The following TENM4 variants were observed in gnomAD, a reference collection of about 807,000 sequenced individuals.
The protein encoded by TENM4 is teneurin transmembrane protein 4, also known as teneurin-4.
Under a neutral mutation model 243.3 loss-of-function variants are expected in TENM4, and 82 were observed. The observed-to-expected ratio is 0.34, with a 90% CI of 0.28 to 0.40. The LOEUF is 0.40. TENM4 is among the 10% of genes least tolerant of loss of function. The probability of loss-of-function intolerance (pLI) is 1.00; values close to 1 mark genes in which losing one functional copy is unlikely to be tolerated. For missense variants in TENM4, 3,138 were observed against 3,673.3 expected, an observed-to-expected ratio of 0.85 and a Z score of 3.77; for synonymous variants, 1,412 against 1,456.3, an observed-to-expected ratio of 0.97 and a Z score of 0.69.
intron 9 of TENM4, among the ~76,000 whole-genome samples, chr11:78,884,997 A>G (rs1432267308): frequency 2.0e-5 from 3 of 152,130 alleles, no homozygotes; most frequent in Non-Finnish European, 4.4e-5. Flanking sequence ...ATCAAAACTA[A>G]CTGCTCTTTA....
chr11:79,362,176 C>A (rs1857601126), intron 1 of TENM4, among the ~76,000 whole-genome samples: 2 of 152,166 alleles, frequency 1.3e-5, no homozygotes, highest in Admixed American at 1.3e-4. Flanking sequence ...ATCAGTAGAA[C>A]CTGGTCTTAC....
chr11:78,658,713 T>TA lies in TENM4; in HGVS notation c.7654_7655insT (p.Gln2552LeufsTer38). ...TGCAAACTTCTTGGTCTTTGGAGCC[T>TA]GCTGGCAGCTGGTGATTGTGGAGCC... On this transcript the variant is annotated frameshift_variant, in exon 34 of 34. Transcript: ENST00000278550. LOFTEE classifies it high-confidence loss of function. 6 of 1,614,046 alleles carry TA rather than the reference T, an allele frequency of 3.7e-6. No homozygotes were observed. Among genetic ancestry groups the TA allele is most frequent in the Non-Finnish European group, 5.1e-6 (6 of 1,179,898 alleles).
At chr11:78,893,780 T>TAC (rs368536086) in intron 7 of TENM4, among the ~76,000 whole-genome samples, 74,725 of 142,728 alleles carry the variant, frequency 0.52, 22,677 homozygotes, top group East Asian at 0.76. Context: ...GGACTTCACA[T>TAC]ACACACACAC....
chr11:79,023,053 C>G lies in TENM4; in HGVS notation c.493+41685G>C, dbSNP rs573803790. The stretch of plus-strand genomic sequence containing the variant: ...ACAGAGATTACTGCTTGAATTATTA[C>G]TCCAAATCCTGTGCCTCTAACCACT... On this transcript the variant is annotated intron_variant, in intron 6 of 33. Transcript: ENST00000278550. 2.0e-5 allele frequency among the ~76,000 whole-genome samples: 3 copies of G among 152,298 alleles called. No individual in the cohort carries two copies. In the South Asian group the frequency reaches 6.2e-4, roughly 32 times the overall value.
intron 6 of TENM4, chr11:78,962,070 C>G (rs1857339530): frequency 6.5e-6 from 1 of 152,688 alleles, no homozygotes; most frequent in Non-Finnish European, 1.5e-5. Context: ...GGCAAGTGGC[C>G]CAAGCAGGCA....
At chr11:78,789,606 G>C (rs1278203786) in intron 15 of TENM4, among the ~76,000 whole-genome samples, 2 of 152,210 alleles carry the variant, frequency 1.3e-5, no homozygotes, top group African/African-American at 2.4e-5. Flanking sequence ...GGTTTACTCA[G>C]CACTTTTGCC....
intron 29 of TENM4, among the ~76,000 whole-genome samples, chr11:78,685,977 CA>C (rs1858657525): frequency 6.6e-6 from 1 of 152,234 alleles, no homozygotes; most frequent in Admixed American, 6.5e-5. Flanking sequence ...CTTCAGGACT[CA>C]GAAGCAGGCC....
intron 6 of TENM4, among the ~76,000 whole-genome samples, chr11:79,051,737 A>C (rs1362388433): frequency 6.6e-6 from 1 of 152,148 alleles, no homozygotes; most frequent in Non-Finnish European, 1.5e-5. Context: ...AACGTGTGTC[A>C]TGGTTAGCTA....
intron 1 of TENM4, among the ~76,000 whole-genome samples, chr11:79,352,520 C>G (rs144717995): frequency 1.3e-5 from 2 of 152,176 alleles, no homozygotes; most frequent in South Asian, 2.1e-4. Flanking sequence ...GAGAGAGCCA[C>G]GGAGCATGAC....
chr11:79,112,987 C>T (rs1182511474), intron 4 of TENM4, among the ~76,000 whole-genome samples: 2 of 152,156 alleles, frequency 1.3e-5, no homozygotes, highest in Admixed American at 1.3e-4. Flanking sequence ...GGAAGAGACA[C>T]CAAAATGGGA....
chr11:78,842,981 C>T (rs972333610), intron 12 of TENM4, among the ~76,000 whole-genome samples: 2 of 151,506 alleles, frequency 1.3e-5, no homozygotes, highest in Non-Finnish European at 2.9e-5. Flanking sequence ...CAAAACCAGT[C>T]GGGGTAACAT....
At chr11:78,876,580 T>G (rs899551582) in intron 9 of TENM4, among the ~76,000 whole-genome samples, 1 of 152,230 alleles carries the variant, frequency 6.6e-6, no homozygotes, top group Non-Finnish European at 1.5e-5. Flanking sequence ...CCAGTTAGAA[T>G]GAATTGCTGT....
At chr11:79,216,380 T>C (rs966888842) in intron 2 of TENM4, among the ~76,000 whole-genome samples, 2 of 152,210 alleles carry the variant, frequency 1.3e-5, no homozygotes, top group Non-Finnish European at 2.9e-5. Flanking sequence ...GGCTAAGGTC[T>C]AGGGTTAGTG....
chr11:78,689,474 C>CT (rs35671591), intron 28 of TENM4, among the ~76,000 whole-genome samples: 35,098 of 145,736 alleles, frequency 0.24, 4,350 homozygotes, highest in Middle Eastern at 0.33. Flanking sequence ...TCCCTACTGG[C>CT]TTTTTTTTTT....
At chr11:78,722,614 AG>A in intron 24 of TENM4, 53 bp downstream of exon 24, 1 of 1,577,202 alleles carries the variant, frequency 6.3e-7, no homozygotes, top group Non-Finnish European at 8.6e-7. Context: ...CGGGGCCCAA[AG>A]GATGGCAAAG....
At chr11:79,041,090 G>A (rs1459311135) in intron 6 of TENM4, among the ~76,000 whole-genome samples, 1 of 149,534 alleles carries the variant, frequency 6.7e-6, no homozygotes, top group East Asian at 2.0e-4. Flanking sequence ...TTGAGACAGA[G>A]TCTCACTCTG....
At chr11:79,137,562 T>C (rs1053539639) in intron 4 of TENM4, among the ~76,000 whole-genome samples, 1 of 152,186 alleles carries the variant, frequency 6.6e-6, no homozygotes, top group East Asian at 1.9e-4. Context: ...AAGGTTGTCA[T>C]TAATACCAGT....
intron 15 of TENM4, among the ~76,000 whole-genome samples, chr11:78,791,784 A>C (rs932362432): frequency 5.9e-5 from 9 of 152,238 alleles, no homozygotes; most frequent in African/African-American, 2.2e-4. Flanking sequence ...ACACTAGACT[A>C]AACTTAGAAG....
chr11:78,941,872 C>G (rs1430395476), intron 6 of TENM4, among the ~76,000 whole-genome samples: 1 of 152,144 alleles, frequency 6.6e-6, no homozygotes, highest in African/African-American at 2.4e-5. Flanking sequence ...TGAGCACCTA[C>G]TGTGTGCCAG....
Sources: gnomAD v4.1 joint callset for allele counts (sites outside exome capture counted in the v4.1 genomes callset) on GRCh38, gnomAD v4.1.1 for gene constraint, MANE v1.5 for transcripts, NCBI Gene and HGNC (gene_info 2026-07-23, HGNC 2026-07-21) for gene names.